The following KCND2 variants were observed in gnomAD, a reference collection of about 807,000 sequenced individuals.
KCND2 encodes A-type voltage-gated potassium channel KCND2.
A neutral mutation model predicts 54.4 loss-of-function variants in KCND2; 16 were observed. The ratio of observed to expected loss-of-function variants is 0.29; its 90% CI spans 0.20 to 0.45. The LOEUF (loss-of-function observed/expected upper bound fraction) is 0.45. Among genes scored for constraint, KCND2 ranks in the 20% least tolerant of loss-of-function variants. The pLI, the probability that KCND2 is intolerant of heterozygous loss-of-function variation, is 1.00. For missense variants in KCND2, 486 were observed against 824.2 expected (o/e 0.59, Z 5.02); for synonymous variants, 317 against 310.7 (o/e 1.02, Z -0.21).
At chr7:120,335,596 C>T (rs891326714) in intron 1 of KCND2, among the ~76,000 whole-genome samples, 1 of 151,700 alleles carries the variant, frequency 6.6e-6, no homozygotes, top group African/African-American at 2.4e-5. Flanking sequence ...CGCCATTCTC[C>T]TGCCTCAGCC....
At chr7:120,514,000 C>A (rs573104955) in intron 1 of KCND2, among the ~76,000 whole-genome samples, 36 of 152,188 alleles carry the variant, frequency 2.4e-4, no homozygotes, top group African/African-American at 8.4e-4. Context: ...AGTGTGAATT[C>A]ATTAATAATA....
intron 1 of KCND2, among the ~76,000 whole-genome samples, chr7:120,408,645 C>T (rs984622211): frequency 2.0e-5 from 3 of 151,804 alleles, no homozygotes; most frequent in African/African-American, 7.3e-5. Context: ...ATTGTTCCCT[C>T]AGGAGTCATT....
chr7:120,723,431 A>G (rs954179582), intron 1 of KCND2, among the ~76,000 whole-genome samples: 2 of 152,188 alleles, frequency 1.3e-5, no homozygotes, highest in Non-Finnish European at 2.9e-5. Context: ...AGAAGAATAG[A>G]TGGTTATTGA....
intron 1 of KCND2, among the ~76,000 whole-genome samples, chr7:120,568,415 A>C (rs1196023409): frequency 6.6e-6 from 1 of 152,126 alleles, no homozygotes; most frequent in East Asian, 1.9e-4. Flanking sequence ...CTTGAACTTC[A>C]AATAATTTAA....
intron 1 of KCND2, among the ~76,000 whole-genome samples, chr7:120,488,289 G>T (rs1457167938): frequency 6.6e-6 from 1 of 151,968 alleles, no homozygotes; most frequent in Non-Finnish European, 1.5e-5. Flanking sequence ...TTTTATAGAA[G>T]CATTAAAAGT....
chr7:120,594,848 C>T (rs192715142), intron 1 of KCND2, among the ~76,000 whole-genome samples: 23 of 151,950 alleles, frequency 1.5e-4, no homozygotes, highest in African/African-American at 5.5e-4. Context: ...GGTGAAACCC[C>T]GTTTCTACTA....
intron 1 of KCND2, among the ~76,000 whole-genome samples, chr7:120,301,910 T>C (rs1799590242): frequency 6.6e-6 from 1 of 152,208 alleles, no homozygotes; most frequent in Non-Finnish European, 1.5e-5. Context: ...ATGATAACTT[T>C]TTTCCAAAAT....
chr7:120,539,952 A>G (rs1452099552), intron 1 of KCND2, among the ~76,000 whole-genome samples: 2 of 152,156 alleles, frequency 1.3e-5, no homozygotes, highest in African/African-American at 2.4e-5. Flanking sequence ...TGACAACTCA[A>G]TGATGCCTGC....
intron 1 of KCND2, among the ~76,000 whole-genome samples, chr7:120,406,314 A>C (rs1440079842): frequency 6.6e-6 from 1 of 152,060 alleles, no homozygotes; most frequent in Non-Finnish European, 1.5e-5. Context: ...TTTGTACAAC[A>C]TAAAAGATGT....
chr7:120,748,055 T>A lies in KCND2; in HGVS notation c.*197T>A, dbSNP rs1793027926. ...CATTTCTAGACAGTTTGACCTGTTATACAGAGTAATATTCTGTGGCCCTTT... is the reference window on the plus strand; with the variant it reads ...CATTTCTAGACAGTTTGACCTGTTAAACAGAGTAATATTCTGTGGCCCTTT... On this transcript the variant is annotated 3_prime_UTR_variant, in exon 6 of 6. Coordinates refer to ENST00000331113, the MANE Select transcript of KCND2 (RefSeq NM_012281.3). 2 of 547,484 alleles carry A rather than the reference T, an allele frequency of 3.7e-6. No homozygotes were observed. Among genetic ancestry groups the A allele is most frequent in the Admixed American group, 6.1e-5 (2 of 32,618 alleles). 33.9% of individuals were successfully genotyped at this position (547,484 alleles called of 1,614,324 possible). A position where few individuals can be genotyped will look rare whatever the true frequency, so the allele number is the denominator to read the frequency against.
chr7:120,273,476 C>A lies in KCND2; in HGVS notation c.-1157C>A, dbSNP rs1299179074. Among the ~76,000 whole-genome samples, 1 of 150,988 alleles carries A rather than the reference C, an allele frequency of 6.6e-6. No homozygotes were observed. ...TGGCCAGGCTCCCGCGACAGTGGCCCCGCAGTAAGTTGGCAGGAGCGAGTC... is the reference window on the plus strand; with the variant it reads ...TGGCCAGGCTCCCGCGACAGTGGCCACGCAGTAAGTTGGCAGGAGCGAGTC... On this transcript the variant is annotated 5_prime_UTR_variant, in exon 1 of 6. Transcript: ENST00000331113.
chr7:120,282,752 A>G (rs1004128438), intron 1 of KCND2, among the ~76,000 whole-genome samples: 1 of 152,118 alleles, frequency 6.6e-6, no homozygotes, highest in Non-Finnish European at 1.5e-5. Context: ...TAACAATATC[A>G]GTAATAGTGC....
chr7:120,500,725 C>A (rs921000508), intron 1 of KCND2, among the ~76,000 whole-genome samples: 1 of 151,528 alleles, frequency 6.6e-6, no homozygotes. Flanking sequence ...AGATAACTTG[C>A]TATTTTTGCT....
At chr7:120,695,623 C>T (rs1054247747) in intron 1 of KCND2, among the ~76,000 whole-genome samples, 1 of 152,118 alleles carries the variant, frequency 6.6e-6, no homozygotes, top group South Asian at 2.1e-4. Flanking sequence ...GAAGAAATAG[C>T]AAATGCATAT....
At chr7:120,458,534 C>A (rs1256922739) in intron 1 of KCND2, among the ~76,000 whole-genome samples, 1 of 152,140 alleles carries the variant, frequency 6.6e-6, no homozygotes, top group Non-Finnish European at 1.5e-5. Context: ...ATGAGCAGTT[C>A]ATATTCCTTG....
intron 1 of KCND2, among the ~76,000 whole-genome samples, chr7:120,288,022 A>G (rs974912248): frequency 3.3e-5 from 5 of 152,170 alleles, no homozygotes; most frequent in African/African-American, 1.2e-4. Flanking sequence ...GATAACAATC[A>G]TTAGTCAGTG....
intron 1 of KCND2, among the ~76,000 whole-genome samples, chr7:120,712,341 G>A (rs1397017231): frequency 4.0e-5 from 5 of 124,146 alleles, no homozygotes; most frequent in Non-Finnish European, 7.9e-5. Flanking sequence ...TTGGCTCACT[G>A]CAACCTCTGC....
At chr7:120,652,243 T>C (rs1186382825) in intron 1 of KCND2, among the ~76,000 whole-genome samples, 3 of 152,128 alleles carry the variant, frequency 2.0e-5, no homozygotes, top group Non-Finnish European at 4.4e-5. Flanking sequence ...ACCCAGCTAA[T>C]TTTTTGTATT....
At chr7:120,348,234 C>T (rs554423771) in intron 1 of KCND2, among the ~76,000 whole-genome samples, 4 of 152,190 alleles carry the variant, frequency 2.6e-5, no homozygotes, top group Admixed American at 2.6e-4. Context: ...TACAACCCAC[C>T]GTTTAACAGA....
Sources: gnomAD v4.1 joint callset for allele counts (sites outside exome capture counted in the v4.1 genomes callset) on GRCh38, gnomAD v4.1.1 for gene constraint, MANE v1.5 for transcripts, NCBI Gene and HGNC (gene_info 2026-07-23, HGNC 2026-07-21) for gene names.